The following CFI variants were observed in gnomAD, a reference collection of about 807,000 sequenced individuals.
CFI encodes C3B/C4B inactivator.
A neutral mutation model predicts 78.8 loss-of-function variants in CFI; 66 were observed. That is an observed-to-expected ratio of 0.84 (90% CI 0.69 to 1.03). The LOEUF (loss-of-function observed/expected upper bound fraction) is 1.03, where lower values mean the gene tolerates loss of function less well. Among genes scored for constraint, CFI ranks in the 50% least tolerant of loss-of-function variants. CFI has a pLI of 0.00. For missense variants in CFI, 706 were observed against 704.5 expected (o/e 1.00, Z -0.02); for synonymous variants, 250 against 232.6 (o/e 1.07, Z -0.68).
At chr4:109,776,071 G>A (rs12650588) in intron 1 of CFI, among the ~76,000 whole-genome samples, 10,172 of 152,154 alleles carry the variant, frequency 0.067, 649 homozygotes, top group East Asian at 0.18. Flanking sequence ...AAAAATCAGA[G>A]CACCTCTTCT....
At chr4:109,767,801 TA>T (rs1727971905) in intron 1 of CFI, among the ~76,000 whole-genome samples, 1 of 152,072 alleles carries the variant, frequency 6.6e-6, no homozygotes, top group Non-Finnish European at 1.5e-5. Flanking sequence ...CAAAGGATTA[TA>T]AATCATGCTG....
At chr4:109,777,714 C>T (rs1729449138) in intron 1 of CFI, among the ~76,000 whole-genome samples, 1 of 152,014 alleles carries the variant, frequency 6.6e-6, no homozygotes. Context: ...TATTCCAAAA[C>T]TGACCACATA....
At chr4:109,771,935 T>C (rs150482488) in intron 1 of CFI, among the ~76,000 whole-genome samples, 3 of 150,818 alleles carry the variant, frequency 2.0e-5, no homozygotes, top group Non-Finnish European at 4.4e-5. Context: ...GAGGGGGAAA[T>C]TGTTGAAACA....
intron 1 of CFI, among the ~76,000 whole-genome samples, chr4:109,769,056 C>G (rs1728231652): frequency 6.6e-6 from 1 of 152,162 alleles, no homozygotes; most frequent in Admixed American, 6.6e-5. Flanking sequence ...TCTCCTGTAT[C>G]TTCCACTGAC....
the CFI span, among the ~76,000 whole-genome samples, chr4:109,734,151 A>G: frequency 6.6e-6 from 1 of 152,230 alleles, no homozygotes; most frequent in Non-Finnish European, 1.5e-5. Flanking sequence ...CAGCCTGGCA[A>G]CAGAGCAAGA....
At chr4:109,792,825 A>G (rs1731553363) in intron 1 of CFI, among the ~76,000 whole-genome samples, 1 of 152,148 alleles carries the variant, frequency 6.6e-6, no homozygotes, top group East Asian at 1.9e-4. Context: ...TTTGCACATA[A>G]TATCTTTTCT....
chr4:109,758,180 A>G (rs981183759), intron 6 of CFI, among the ~76,000 whole-genome samples: 1 of 149,286 alleles, frequency 6.7e-6, no homozygotes, highest in African/African-American at 2.4e-5. Flanking sequence ...AAAGGAGGTC[A>G]GGTGCAGTGG....
At chr4:109,743,267 A>G (rs1358657136) in intron 11 of CFI, among the ~76,000 whole-genome samples, 1 of 152,126 alleles carries the variant, frequency 6.6e-6, no homozygotes, top group Admixed American at 6.5e-5. Flanking sequence ...TGCCTTCCTT[A>G]GAACAAGAGC....
At chr4:109,771,714 C>CAAAA (rs149565381) in intron 1 of CFI, among the ~76,000 whole-genome samples, 433 of 18,112 alleles carry the variant, frequency 0.024, 100 homozygotes, top group Non-Finnish European at 0.027. Flanking sequence ...ACTCCATCAC[C>CAAAA]AAAAAAAAAA....
chr4:109,799,684 G>A (rs1732513997), intron 1 of CFI, among the ~76,000 whole-genome samples: 1 of 152,200 alleles, frequency 6.6e-6, no homozygotes, highest in Admixed American at 6.5e-5. Context: ...AAGAGAAACA[G>A]TTTGTATTTT....
At chr4:109,737,495 C>T (rs1361683186), downstream of CFI, among the ~76,000 whole-genome samples, 1 of 152,192 alleles carries the variant, frequency 6.6e-6, no homozygotes, top group East Asian at 1.9e-4. Context: ...TTTATTTTCC[C>T]ATTTCTCTTG....
chr4:109,780,058 G>A (rs922234685), intron 1 of CFI, among the ~76,000 whole-genome samples: 9 of 151,990 alleles, frequency 5.9e-5, no homozygotes, highest in Non-Finnish European at 8.8e-5. Context: ...GAAAACGCAG[G>A]CAACACCATT....
At chr4:109,750,079 C>T (rs951347880) in intron 8 of CFI, among the ~76,000 whole-genome samples, 1 of 152,064 alleles carries the variant, frequency 6.6e-6, no homozygotes, top group Non-Finnish European at 1.5e-5. Flanking sequence ...TCACTGCAAC[C>T]TCCGCCTCCC....
Position 109,760,519 on chromosome 4 carries a change from C to G in CFI, c.772+4G>C. ...GAGGATTTAGAGGCTAGATTTATGT[C>G]TACCTTTACAACACAGTTCATCACT... On this transcript the variant is annotated splice_donor_region_variant and intron_variant, in intron 5 of 12. Coordinates refer to ENST00000394634, the MANE Select transcript of CFI (RefSeq NM_000204.5). 6.4e-7 allele frequency: 1 copy of G among 1,553,774 alleles called. No homozygotes were observed. Among genetic ancestry groups the G allele is most frequent in the Non-Finnish European group, 8.9e-7 (1 of 1,124,878 alleles).
At chr4:109,760,071 A>C in intron 6 of CFI, 199 bp downstream of exon 6, 2 of 692,866 alleles carry the variant, frequency 2.9e-6, no homozygotes, top group Non-Finnish European at 5.3e-6. Flanking sequence ...TTTTAATAGA[A>C]AGTTCTGAAA....
At position 109,741,130 on chromosome 4, in the gene CFI, G is replaced by C; in HGVS notation, c.1535-20C>G. On this transcript the variant is annotated intron_variant, in intron 12 of 12. Transcript: ENST00000394634. The stretch of plus-strand genomic sequence containing the variant: ...ATGTACCTAAGAAAGAAATGTGAAA[G>C]AGAAAATCACACATTTCCTTCCATT... 2.5e-6 allele frequency: 4 copies of C among 1,613,488 alleles called. No homozygotes were observed. Among genetic ancestry groups the C allele is most frequent in the Non-Finnish European group, 3.4e-6 (4 of 1,179,596 alleles).
chr4:109,776,313 T>C (rs13434654), intron 1 of CFI, among the ~76,000 whole-genome samples: 1,651 of 152,274 alleles, frequency 0.011, 21 homozygotes, highest in African/African-American at 0.038. Flanking sequence ...GCACAAGAAC[T>C]ATTTGATGCA....
Position 109,760,637 on chromosome 4 carries a change from C to G in CFI, c.659-1G>C. Reference sequence around the variant, plus strand: ...TGAAAGAAGTCATCCATTGGAGAATCTGTAAAGCAGGAATTATCTTTGTGA... The same window carrying G: ...TGAAAGAAGTCATCCATTGGAGAATGTGTAAAGCAGGAATTATCTTTGTGA... On this transcript the variant is annotated splice_acceptor_variant, in intron 4 of 12. Transcript: ENST00000394634. LOFTEE classifies it high-confidence loss of function. 1 of 1,512,948 alleles carries G rather than the reference C, an allele frequency of 6.6e-7. No homozygotes were observed. Among genetic ancestry groups the G allele is most frequent in the Non-Finnish European group, 9.2e-7 (1 of 1,087,948 alleles). 93.7% of individuals were successfully genotyped at this position (1,512,948 alleles called of 1,614,324 possible).
rs200881135 is a variant in CFI, at chr4:109,749,295, A to G, written c.1071T>C (p.Ile357=). Residue 357 remains isoleucine, a synonymous_variant, in exon 10 of 13, where the codon ATT becomes ATC. Coordinates refer to ENST00000394634, the MANE Select transcript of CFI (RefSeq NM_000204.5). ...CACAGGTGATTCCACTGGCATCCTT[A>G]ATTGCCACCTGCCATGGGAGGTCTC... ...QLGDLPWQVA[I]KDASGITCGG... The G allele has an allele frequency of 6.2e-7, 1 of 1,614,074 alleles. No individual in the cohort carries two copies. The highest frequency in any genetic ancestry group is 2.2e-5 in the East Asian group (1 of 44,886).
Sources: allele counts gnomAD v4.1 joint callset (sites outside exome capture counted in the v4.1 genomes callset), GRCh38; gene constraint gnomAD v4.1.1; transcripts MANE v1.5; gene names NCBI Gene and HGNC (gene_info 2026-07-23, HGNC 2026-07-21).